The following RIMS2 variants were observed in gnomAD, a reference collection of about 807,000 sequenced individuals.
RIMS2 encodes regulating synaptic membrane exocytosis protein 2.
Under a neutral mutation model 174.4 loss-of-function variants are expected in RIMS2, and 59 were observed. The ratio of observed to expected loss-of-function variants is 0.34; its 90% CI spans 0.27 to 0.42. The LOEUF (loss-of-function observed/expected upper bound fraction) is 0.42, where lower values mean the gene tolerates loss of function less well. Ranked by LOEUF, RIMS2 falls within the 10% of genes least tolerant of loss-of-function variation. RIMS2 has a pLI of 1.00. For missense variants in RIMS2, 1,620 were observed against 1,666.3 expected (o/e 0.97, Z 0.48); for synonymous variants, 606 against 572.5 (o/e 1.06, Z -0.84).
chr8:103,985,064 T>C (rs1015754073), intron 16 of RIMS2, among the ~76,000 whole-genome samples: 1 of 152,156 alleles, frequency 6.6e-6, no homozygotes, highest in African/African-American at 2.4e-5. Context: ...GTGAAGGGGA[T>C]GTGGCAATGG....
At chr8:103,797,287 C>T (rs1263404002) in intron 3 of RIMS2, among the ~76,000 whole-genome samples, 3 of 152,120 alleles carry the variant, frequency 2.0e-5, no homozygotes, top group South Asian at 4.1e-4. Context: ...TATTAATGCA[C>T]TTACCACTGT....
At chr8:103,717,878 C>G (rs2097393657) in intron 2 of RIMS2, among the ~76,000 whole-genome samples, 1 of 152,098 alleles carries the variant, frequency 6.6e-6, no homozygotes, top group South Asian at 2.1e-4. Context: ...ATATAGCTAG[C>G]TATTGAACAC....
intron 14 of RIMS2, among the ~76,000 whole-genome samples, chr8:103,953,787 A>T (rs918130917): frequency 6.6e-6 from 1 of 152,188 alleles, no homozygotes; most frequent in African/African-American, 2.4e-5. Context: ...TAAATGCCCC[A>T]GTTAAAAGAC....
chr8:103,597,831 G>A (rs2094537118), intron 1 of RIMS2, among the ~76,000 whole-genome samples: 1 of 151,832 alleles, frequency 6.6e-6, no homozygotes, highest in Admixed American at 6.6e-5. Flanking sequence ...TTTTTAAACC[G>A]TGGGTCATGA....
chr8:104,058,143 C>A (rs1223612771), intron 19 of RIMS2, among the ~76,000 whole-genome samples: 2 of 149,538 alleles, frequency 1.3e-5, no homozygotes, highest in Admixed American at 6.7e-5. Context: ...GGAATCGCCA[C>A]ACTGACTTCC....
intron 1 of RIMS2, among the ~76,000 whole-genome samples, chr8:103,614,661 G>A (rs922541316): frequency 2.0e-5 from 3 of 152,320 alleles, no homozygotes; most frequent in Admixed American, 1.3e-4. Flanking sequence ...GGTGAGTACA[G>A]CAACCCTCCT....
At chr8:103,575,465 C>G (rs2093147528) in intron 1 of RIMS2, among the ~76,000 whole-genome samples, 1 of 151,780 alleles carries the variant, frequency 6.6e-6, no homozygotes, top group African/African-American at 2.4e-5. Context: ...CATGTACTCA[C>G]CAAAAGAAAA....
chr8:103,786,012 T>A (rs2098439963), intron 3 of RIMS2, among the ~76,000 whole-genome samples: 1 of 152,198 alleles, frequency 6.6e-6, no homozygotes, highest in Non-Finnish European at 1.5e-5. Flanking sequence ...AGTGTATGTG[T>A]CGAGGAATGT....
intron 2 of RIMS2, among the ~76,000 whole-genome samples, chr8:103,725,370 A>T (rs572406927): frequency 1.5e-4 from 23 of 152,286 alleles, no homozygotes; most frequent in African/African-American, 5.3e-4. Context: ...AAGTTTATGC[A>T]TGCCCTTTTC....
intron 19 of RIMS2, among the ~76,000 whole-genome samples, chr8:104,145,251 G>GT (rs918513570): frequency 2.2e-4 from 33 of 150,496 alleles, no homozygotes; most frequent in African/African-American, 5.8e-4. Flanking sequence ...GGGTAGGCTT[G>GT]TTTTTTTTTA....
chr8:103,826,361 T>C (rs1040940737), intron 3 of RIMS2, among the ~76,000 whole-genome samples: 21 of 152,012 alleles, frequency 1.4e-4, no homozygotes, highest in African/African-American at 4.6e-4. Flanking sequence ...TTTAGCTTTT[T>C]GGTTCACATA....
intron 1 of RIMS2, among the ~76,000 whole-genome samples, chr8:103,587,230 A>G (rs2093974730): frequency 6.6e-6 from 1 of 152,002 alleles, no homozygotes; most frequent in South Asian, 2.1e-4. Flanking sequence ...TTCAGTAAAG[A>G]AAGGTCTGTG....
At chr8:103,746,368 A>G (rs1293901298) in intron 2 of RIMS2, among the ~76,000 whole-genome samples, 2 of 152,120 alleles carry the variant, frequency 1.3e-5, no homozygotes, top group Non-Finnish European at 2.9e-5. Context: ...TGAAATCAGG[A>G]TATCTGAATT....
intron 15 of RIMS2, among the ~76,000 whole-genome samples, chr8:103,961,767 A>G (rs1407572283): frequency 6.6e-6 from 1 of 152,140 alleles, no homozygotes; most frequent in Non-Finnish European, 1.5e-5. Flanking sequence ...AGATTTCATA[A>G]TTATGACTAA....
chr8:103,803,535 C>T (rs537708998), intron 3 of RIMS2, among the ~76,000 whole-genome samples: 1 of 152,154 alleles, frequency 6.6e-6, no homozygotes, highest in Non-Finnish European at 1.5e-5. Context: ...CATATGACAA[C>T]TAACTGTATA....
At chr8:104,252,992 A>G (rs182712473), downstream of RIMS2, 22 of 152,320 alleles carry the variant, frequency 1.4e-4, no homozygotes, top group East Asian at 3.5e-3. Flanking sequence ...TCTCAAGGGA[A>G]AATTAACTTT....
intron 19 of RIMS2, among the ~76,000 whole-genome samples, chr8:104,084,161 C>T (rs2097486646): frequency 1.3e-5 from 2 of 152,030 alleles, no homozygotes. Flanking sequence ...CTAACTGTGA[C>T]CAGGCATGGT....
At chr8:104,098,378 A>G (rs1490049851) in intron 19 of RIMS2, among the ~76,000 whole-genome samples, 1 of 152,158 alleles carries the variant, frequency 6.6e-6, no homozygotes, top group African/African-American at 2.4e-5. Flanking sequence ...GATGGCCTCA[A>G]CAAATTCATA....
At chr8:103,527,926 A>C (rs1395990133) in intron 1 of RIMS2, among the ~76,000 whole-genome samples, 1 of 152,214 alleles carries the variant, frequency 6.6e-6, no homozygotes, top group Non-Finnish European at 1.5e-5. Flanking sequence ...TGACTGGGTC[A>C]AATGGTATTT....
Sources: gnomAD v4.1 joint callset for allele counts (sites outside exome capture counted in the v4.1 genomes callset) on GRCh38, gnomAD v4.1.1 for gene constraint, MANE v1.5 for transcripts, NCBI Gene and HGNC (gene_info 2026-07-23, HGNC 2026-07-21) for gene names.